Variants in NCAM2 observed in about 807,000 individuals in gnomAD.
NCAM2 encodes the protein neural cell adhesion molecule 2, also known as N-CAM-2.
NCAM2 carries 30 observed loss-of-function variants against 98.1 expected under a neutral mutation model. The ratio of observed to expected loss-of-function variants is 0.31; its 90% CI spans 0.23 to 0.41. The LOEUF is 0.41. NCAM2 is among the 10% of genes least tolerant of loss of function. The probability of loss-of-function intolerance (pLI) is 1.00; values close to 1 mark genes in which losing one functional copy is unlikely to be tolerated. For missense variants in NCAM2, 867 were observed against 1,005.8 expected, an observed-to-expected ratio of 0.86 and a Z score of 1.87; for synonymous variants, 368 against 342.4, an observed-to-expected ratio of 1.07 and a Z score of -0.83.
intron 1 of NCAM2, among the ~76,000 whole-genome samples, chr21:21,020,233 A>C (rs574197158): frequency 3.9e-5 from 6 of 151,978 alleles, no homozygotes; most frequent in African/African-American, 1.4e-4. Context: ...ATGGGGTTTC[A>C]CCGTGTTGGC....
chr21:21,506,461 C>G (rs746333742), intron 15 of NCAM2, among the ~76,000 whole-genome samples: 1 of 151,820 alleles, frequency 6.6e-6, no homozygotes, highest in Non-Finnish European at 1.5e-5. Flanking sequence ...TAACTGCAAA[C>G]AGAAATCCTA....
intron 8 of NCAM2, among the ~76,000 whole-genome samples, chr21:21,340,388 G>A (rs1449160198): frequency 6.6e-6 from 1 of 151,832 alleles, no homozygotes; most frequent in Non-Finnish European, 1.5e-5. Flanking sequence ...TAACAAGAAA[G>A]CTGTTATATT....
At chr21:21,031,951 A>G (rs73895128) in intron 1 of NCAM2, among the ~76,000 whole-genome samples, 1 of 152,190 alleles carries the variant, frequency 6.6e-6, no homozygotes, top group Non-Finnish European at 1.5e-5. Context: ...AATCTCTTGT[A>G]GAGATCTTAA....
At chr21:21,008,526 A>C (rs1462705389) in intron 1 of NCAM2, among the ~76,000 whole-genome samples, 1 of 152,172 alleles carries the variant, frequency 6.6e-6, no homozygotes, top group Middle Eastern at 3.2e-3. Flanking sequence ...AAAAAGGTGA[A>C]ATTACTTGCC....
At chr21:21,102,762 A>T (rs978501500) in intron 1 of NCAM2, among the ~76,000 whole-genome samples, 10 of 152,022 alleles carry the variant, frequency 6.6e-5, no homozygotes, top group Non-Finnish European at 1.3e-4. Flanking sequence ...CTGTGAATCA[A>T]CCTACTTTTG....
At chr21:21,205,085 G>A (rs1489128261) in intron 1 of NCAM2, among the ~76,000 whole-genome samples, 2 of 152,102 alleles carry the variant, frequency 1.3e-5, no homozygotes, top group East Asian at 1.9e-4. Flanking sequence ...TGTGTGACAT[G>A]TGCACACAAG....
chr21:21,074,712 T>G (rs1406326215), intron 1 of NCAM2, among the ~76,000 whole-genome samples: 1 of 148,374 alleles, frequency 6.7e-6, no homozygotes, highest in Non-Finnish European at 1.5e-5. Context: ...AAGCTAACAC[T>G]CGTTCTTTCT....
intron 1 of NCAM2, among the ~76,000 whole-genome samples, chr21:21,076,086 G>C (rs530987535): frequency 1.3e-5 from 2 of 149,480 alleles, no homozygotes; most frequent in South Asian, 4.2e-4. Flanking sequence ...CACTGCACTC[G>C]AGCCTGAGCG....
chr21:21,015,307 G>A (rs1325676600), intron 1 of NCAM2, among the ~76,000 whole-genome samples: 1 of 152,150 alleles, frequency 6.6e-6, no homozygotes, highest in Non-Finnish European at 1.5e-5. Flanking sequence ...GTTAGGAAAG[G>A]AAGAGCCGAT....
chr21:21,028,645 CA>C (rs973441440), intron 1 of NCAM2, among the ~76,000 whole-genome samples: 7 of 152,186 alleles, frequency 4.6e-5, no homozygotes, highest in African/African-American at 1.7e-4. Context: ...CAGTGCAATG[CA>C]ATATGCAGAA....
chr21:21,174,465 T>C (rs942665742), intron 1 of NCAM2, among the ~76,000 whole-genome samples: 3 of 152,204 alleles, frequency 2.0e-5, no homozygotes, highest in Non-Finnish European at 2.9e-5. Context: ...CTGTATTTTC[T>C]CTAGCAAGCC....
intron 4 of NCAM2, among the ~76,000 whole-genome samples, chr21:21,289,262 G>T (rs1377941087): frequency 6.6e-6 from 1 of 151,930 alleles, no homozygotes; most frequent in African/African-American, 2.4e-5. Context: ...ATGCTGTAGT[G>T]TACCAGATGA....
chr21:21,384,303 G>GT (rs1359651669), intron 9 of NCAM2, among the ~76,000 whole-genome samples: 1 of 151,324 alleles, frequency 6.6e-6, no homozygotes, highest in Non-Finnish European at 1.5e-5. Flanking sequence ...TCTATTGAAA[G>GT]TTTTTTTTCT....
chr21:21,290,869 T>C (rs1004622), intron 4 of NCAM2, among the ~76,000 whole-genome samples: 121,244 of 151,738 alleles, frequency 0.8, 48,664 homozygotes, highest in East Asian at 0.99. Context: ...CCTAGCAGTT[T>C]ATGGCTCACT....
chr21:21,106,701 T>TA (rs1187921559), intron 1 of NCAM2, among the ~76,000 whole-genome samples: 2 of 151,562 alleles, frequency 1.3e-5, no homozygotes, highest in African/African-American at 4.8e-5. Context: ...TGGGAAAAAG[T>TA]AAAACTACAC....
intron 1 of NCAM2, among the ~76,000 whole-genome samples, chr21:21,157,006 C>T (rs978288187): frequency 1.2e-4 from 18 of 152,016 alleles, no homozygotes; most frequent in African/African-American, 3.9e-4. Flanking sequence ...TTTCTGCACC[C>T]GCAGGTTTTC....
At chr21:21,033,838 CT>C (rs1470600442) in intron 1 of NCAM2, among the ~76,000 whole-genome samples, 1 of 152,090 alleles carries the variant, frequency 6.6e-6, no homozygotes, top group African/African-American at 2.4e-5. Flanking sequence ...ATGCAAATCT[CT>C]TTCACAGAAG....
intron 1 of NCAM2, among the ~76,000 whole-genome samples, chr21:21,175,249 T>C (rs1419161798): frequency 6.6e-6 from 1 of 151,836 alleles, no homozygotes; most frequent in Non-Finnish European, 1.5e-5. Flanking sequence ...AAAACTAGGG[T>C]GGTGGCCGGG....
intron 1 of NCAM2, among the ~76,000 whole-genome samples, chr21:21,095,719 C>T (rs369903644): frequency 5.3e-5 from 8 of 151,542 alleles, no homozygotes; most frequent in South Asian, 2.1e-4. Flanking sequence ...ACAGTAAATT[C>T]GGAAAATACT....
Sources: allele counts gnomAD v4.1 joint callset (sites outside exome capture counted in the v4.1 genomes callset), GRCh38; gene constraint gnomAD v4.1.1; transcripts MANE v1.5; gene names NCBI Gene and HGNC (gene_info 2026-07-23, HGNC 2026-07-21).